The following FAM193A variants were observed in gnomAD, a reference collection of about 807,000 sequenced individuals.
FAM193A encodes the protein protein FAM193A.
A neutral mutation model predicts 126.5 loss-of-function variants in FAM193A; 22 were observed. The ratio of observed to expected loss-of-function variants is 0.17; its 90% CI spans 0.12 to 0.25. The LOEUF is 0.25. FAM193A is among the 10% of genes least tolerant of loss of function. The pLI is 1.00. For synonymous variants in FAM193A, 761 were observed against 646.8 expected (o/e 1.18, Z -2.68); for missense variants, 1,675 against 1,672.8 (o/e 1.00, Z -0.02).
chr4:2,729,210 C>G (rs1209812388), intron 20 of FAM193A, among the ~76,000 whole-genome samples: 2 of 152,134 alleles, frequency 1.3e-5, no homozygotes, highest in Non-Finnish European at 2.9e-5. Flanking sequence ...TGCACTAAGG[C>G]ACAGAATGGT....
chr4:2,668,798 TTCTC>T (rs747598149), intron 12 of FAM193A, among the ~76,000 whole-genome samples: 13 of 150,866 alleles, frequency 8.6e-5, no homozygotes, highest in Non-Finnish European at 1.3e-4. Context: ...CTCTCTCTCT[TTCTC>T]TCTCTCTCTC....
intron 1 of FAM193A, among the ~76,000 whole-genome samples, chr4:2,568,973 C>CTTTTTTTTTTTTTTTTTTTTTTTTTTTGT (rs753557878): frequency 1.1e-5 from 1 of 90,728 alleles, no homozygotes; most frequent in African/African-American, 4.6e-5. Context: ...TGTTGTTTTG[C>CTTTTTTTTTTTTTTTTTTTTTTTTTTTGT]TTTTTTTTTT....
intron 1 of FAM193A, among the ~76,000 whole-genome samples, chr4:2,558,767 G>A (rs1377730487): frequency 2.0e-5 from 3 of 152,294 alleles, no homozygotes; most frequent in South Asian, 2.1e-4. Flanking sequence ...TCGTGAGGCC[G>A]AGGTGGACAG....
intron 12 of FAM193A, among the ~76,000 whole-genome samples, chr4:2,667,259 TG>T (rs1713226480): frequency 6.6e-6 from 1 of 152,210 alleles, no homozygotes; most frequent in Non-Finnish European, 1.5e-5. Flanking sequence ...ACCCCATTCC[TG>T]AGAGTAGAGC....
intron 2 of FAM193A, among the ~76,000 whole-genome samples, chr4:2,609,958 G>A (rs1273813899): frequency 6.7e-6 from 1 of 148,950 alleles, no homozygotes; most frequent in Non-Finnish European, 1.5e-5. Context: ...CTGGCTGGGC[G>A]CAGTGGCTCA....
intron 1 of FAM193A, among the ~76,000 whole-genome samples, chr4:2,544,196 G>A (rs943879322): frequency 3.3e-5 from 5 of 152,156 alleles, no homozygotes; most frequent in African/African-American, 1.2e-4. Flanking sequence ...TAGAAATGGT[G>A]TACCTGCAGA....
intron 1 of FAM193A, among the ~76,000 whole-genome samples, chr4:2,589,526 G>A (rs980212722): frequency 5.3e-5 from 8 of 152,162 alleles, no homozygotes; most frequent in African/African-American, 1.9e-4. Flanking sequence ...AGTTTCCATG[G>A]AACAGCCTTG....
At chr4:2,672,394 C>T in intron 13 of FAM193A, 22 bp downstream of exon 13, 1 of 1,612,470 alleles carries the variant, frequency 6.2e-7, no homozygotes, top group African/African-American at 1.3e-5. Flanking sequence ...CAAAAAGGGT[C>T]TGAAAGCTCA....
intron 1 of FAM193A, among the ~76,000 whole-genome samples, chr4:2,546,347 A>G (rs2108810950): frequency 6.6e-6 from 1 of 152,250 alleles, no homozygotes; most frequent in East Asian, 1.9e-4. Context: ...CTGTAGATTC[A>G]TATATCTACT....
intron 1 of FAM193A, among the ~76,000 whole-genome samples, chr4:2,568,509 C>G (rs972707047): frequency 1.3e-5 from 2 of 152,084 alleles, no homozygotes; most frequent in Non-Finnish European, 2.9e-5. Flanking sequence ...AGCAGCAAGA[C>G]CCTGTCTGTA....
At chr4:2,692,871 GAAAGA>G (rs1282595331) in intron 15 of FAM193A, among the ~76,000 whole-genome samples, 4 of 151,712 alleles carry the variant, frequency 2.6e-5, no homozygotes, top group Admixed American at 6.6e-5. Context: ...GGGAGGGAAA[GAAAGA>G]AAAGAAAAGA....
Position 2,659,554 on chromosome 4 carries a change from C to T in FAM193A, c.1390-4C>T, listed in dbSNP as rs1270727753. ...AGATTAAAGCATTTTAAAATTTCCT[C>T]TAGTTAACCAATAAGAAAGCAGTTA... On this transcript the variant is annotated splice_region_variant and splice_polypyrimidine_tract_variant and intron_variant, in intron 8 of 20. Coordinates refer to ENST00000637812, the MANE Select transcript of FAM193A (RefSeq NM_001366318.2). 18 of 1,604,318 alleles carry T rather than the reference C, an allele frequency of 1.1e-5. No individual in the cohort carries two copies. The highest frequency in any genetic ancestry group is 1.5e-5 in the Non-Finnish European group (18 of 1,171,234).
At chr4:2,590,430 A>C (rs1469931833) in intron 1 of FAM193A, among the ~76,000 whole-genome samples, 1 of 122,626 alleles carries the variant, frequency 8.2e-6, no homozygotes, top group Non-Finnish European at 1.8e-5. Flanking sequence ...GCGCCACTGC[A>C]TTCCAGCCTG....
At chr4:2,599,211 A>C (rs1028827756) in intron 2 of FAM193A, among the ~76,000 whole-genome samples, 30 of 149,610 alleles carry the variant, frequency 2.0e-4, no homozygotes, top group Non-Finnish European at 2.2e-4. Flanking sequence ...GTTTAAAGTT[A>C]AACTGTTTTT....
intron 1 of FAM193A, among the ~76,000 whole-genome samples, chr4:2,554,832 C>T (rs879596268): frequency 9.2e-5 from 14 of 152,114 alleles, no homozygotes; most frequent in Non-Finnish European, 1.8e-4. Flanking sequence ...ATCCCTCATC[C>T]TTGGTAGTTT....
rs906040757 is a variant in FAM193A at position 2,639,843 on chromosome 4, C to G, written c.1147C>G (p.Leu383Val). 6.2e-7 allele frequency: 1 copy of G among 1,613,878 alleles called. No individual in the cohort carries two copies. Among genetic ancestry groups the G allele is most frequent in the Non-Finnish European group, 8.5e-7 (1 of 1,179,938 alleles). The change falls in exon 6 of 21, where the codon CTG (leucine) becomes GTG (valine). Residue 383 changes from leucine to valine, a missense_variant. By Grantham distance (32) the Leu-to-Val change is conservative. Coordinates refer to ENST00000637812, the MANE Select transcript of FAM193A (RefSeq NM_001366318.2). ...ACTTCTTCAGAGCAACTTGCCCGCACTGGTGTCACAGATCAGGTATTTTGC... is the reference window on the plus strand; with the variant it reads ...ACTTCTTCAGAGCAACTTGCCCGCAGTGGTGTCACAGATCAGGTATTTTGC... ...EPLLQSNLPA[L>V]VSQIRLGTTT... is the part of the protein sequence containing the mutation.
At chr4:2,675,644 A>T (rs1036470892) in intron 13 of FAM193A, among the ~76,000 whole-genome samples, 8 of 152,228 alleles carry the variant, frequency 5.3e-5, no homozygotes, top group African/African-American at 1.9e-4. Context: ...TTATAGTAAA[A>T]TATGCACTAA....
At chr4:2,645,435 T>C (rs1453554603) in intron 6 of FAM193A, among the ~76,000 whole-genome samples, 1 of 152,156 alleles carries the variant, frequency 6.6e-6, no homozygotes, top group African/African-American at 2.4e-5. Flanking sequence ...GAAATCGAGG[T>C]GTTTTTTCTC....
At chr4:2,570,431 A>G (rs1739223179) in intron 1 of FAM193A, among the ~76,000 whole-genome samples, 1 of 152,180 alleles carries the variant, frequency 6.6e-6, no homozygotes, top group South Asian at 2.1e-4. Flanking sequence ...CTTTGGTGAC[A>G]TGGCTCAGGA....
Sources: allele counts gnomAD v4.1 joint callset (sites outside exome capture counted in the v4.1 genomes callset), GRCh38; gene constraint gnomAD v4.1.1; transcripts MANE v1.5; gene names NCBI Gene and HGNC (gene_info 2026-07-23, HGNC 2026-07-21).